The following CHLSN variants were observed in gnomAD, a reference collection of about 807,000 sequenced individuals.
The protein encoded by CHLSN is cholesin.
the CHLSN span, among the ~76,000 whole-genome samples, chr7:1,085,720 G>A: frequency 6.6e-6 from 1 of 151,246 alleles, no homozygotes; most frequent in South Asian, 2.1e-4. Context: ...TGTAGTCCCA[G>A]CTACTCAGGG....
chr7:1,080,491 G>A, the CHLSN span, among the ~76,000 whole-genome samples: 1 of 152,210 alleles, frequency 6.6e-6, no homozygotes, highest in Non-Finnish European at 1.5e-5. Context: ...CTGATCACGG[G>A]AGCAGAGTGC....
At chr7:1,068,907 T>C in the CHLSN span, among the ~76,000 whole-genome samples, 3 of 152,096 alleles carry the variant, frequency 2.0e-5, no homozygotes, top group Non-Finnish European at 4.4e-5. Context: ...CCGGGAAGAC[T>C]GTGACCCCAG....
At chr7:1,094,843 G>C in the CHLSN span, among the ~76,000 whole-genome samples, 1 of 152,216 alleles carries the variant, frequency 6.6e-6, no homozygotes, top group East Asian at 1.9e-4. Flanking sequence ...CAGCACCGTG[G>C]TGCTGGGCTC....
At chr7:987,377 T>C in the CHLSN span, 2 of 1,593,576 alleles carry the variant, frequency 1.3e-6, no homozygotes, top group African/African-American at 1.3e-5. Flanking sequence ...GACCGCGTGC[T>C]GGGCCCTGGG....
chr7:1,044,094 G>T, the CHLSN span, among the ~76,000 whole-genome samples: 1 of 152,206 alleles, frequency 6.6e-6, no homozygotes, highest in Non-Finnish European at 1.5e-5. Flanking sequence ...CTAAAACCAG[G>T]AAGTAATTGG....
At chr7:1,133,751 C>CAAAA in the CHLSN span, among the ~76,000 whole-genome samples, 2 of 114,978 alleles carry the variant, frequency 1.7e-5, no homozygotes, top group Middle Eastern at 4.7e-3. Context: ...GACTCCATCT[C>CAAAA]AAAAAAAAAA....
chr7:1,016,744 CACA>C, the CHLSN span, among the ~76,000 whole-genome samples: 3 of 111,430 alleles, frequency 2.7e-5, no homozygotes, highest in South Asian at 2.6e-4. Context: ...CACGCCAGCG[CACA>C]GCAGCACACG....
the CHLSN span, among the ~76,000 whole-genome samples, chr7:1,041,330 G>GGGCTCCGCACTGCAGGGAACGGGA: frequency 1.5e-5 from 1 of 65,928 alleles, no homozygotes; most frequent in African/African-American, 7.5e-5. Context: ...GGGGAAGGGG[G>GGGCTCCGCACTGCAGGGAACGGGA]CCTGGGGTCC....
chr7:1,055,770 A>G, the CHLSN span, among the ~76,000 whole-genome samples: 1 of 152,106 alleles, frequency 6.6e-6, no homozygotes, highest in Non-Finnish European at 1.5e-5. Flanking sequence ...ACACAGTGAG[A>G]CAGCCCTCCC....
the CHLSN span, among the ~76,000 whole-genome samples, chr7:1,008,261 G>A: frequency 6.6e-6 from 1 of 152,176 alleles, no homozygotes; most frequent in African/African-American, 2.4e-5. Flanking sequence ...CCCACACCTG[G>A]GCTCGAGACG....
At chr7:1,120,668 A>T in the CHLSN span, among the ~76,000 whole-genome samples, 5 of 152,246 alleles carry the variant, frequency 3.3e-5, no homozygotes. Flanking sequence ...AAAGCATAGA[A>T]AGTCACAGAT....
chr7:1,092,766 G>A, the CHLSN span: 42 of 1,613,490 alleles, frequency 2.6e-5, no homozygotes, highest in East Asian at 1.6e-4. Flanking sequence ...CAAATTTGCC[G>A]GCCCTGAACC....
the CHLSN span, chr7:1,028,742 A>T: frequency 2.0e-6 from 1 of 488,958 alleles, no homozygotes; most frequent in Non-Finnish European, 2.4e-6. Flanking sequence ...CCATAGACCC[A>T]TCTCCCCCAG....
At chr7:1,011,840 T>C in the CHLSN span, among the ~76,000 whole-genome samples, 2 of 152,070 alleles carry the variant, frequency 1.3e-5, no homozygotes, top group African/African-American at 4.8e-5. Flanking sequence ...GCACCGTCCC[T>C]GGCAGATGCC....
the CHLSN span, chr7:1,092,665 G>A: frequency 6.2e-6 from 10 of 1,612,930 alleles, no homozygotes; most frequent in East Asian, 6.7e-5. Flanking sequence ...CAACCTCGCC[G>A]CCTTCTCCAA....
the CHLSN span, among the ~76,000 whole-genome samples, chr7:1,053,704 G>C: frequency 1.3e-5 from 2 of 152,232 alleles, no homozygotes; most frequent in African/African-American, 4.8e-5. Flanking sequence ...GCAGTCGCCT[G>C]TAATCCCAGC....
At chr7:1,083,471 A>T in the CHLSN span, among the ~76,000 whole-genome samples, 2 of 151,900 alleles carry the variant, frequency 1.3e-5, no homozygotes, top group African/African-American at 4.8e-5. Context: ...AAAAAAAAAT[A>T]CAAAAAATTA....
chr7:1,014,197 T>A, the CHLSN span, among the ~76,000 whole-genome samples: 6 of 152,304 alleles, frequency 3.9e-5, no homozygotes, highest in East Asian at 7.7e-4. Flanking sequence ...CCCTACAGGC[T>A]GGGAGGAGCA....
At chr7:1,041,846 G>A in the CHLSN span, among the ~76,000 whole-genome samples, 3 of 151,506 alleles carry the variant, frequency 2.0e-5, no homozygotes, top group Non-Finnish European at 4.4e-5. Context: ...GGCCAGCTGG[G>A]CCCCTCTCCA....
Sources: allele counts gnomAD v4.1 joint callset (sites outside exome capture counted in the v4.1 genomes callset), GRCh38; gene constraint gnomAD v4.1.1; transcripts MANE v1.5; gene names NCBI Gene and HGNC (gene_info 2026-07-23, HGNC 2026-07-21).